The following PRAG1 variants were observed in gnomAD, a reference collection of about 807,000 sequenced individuals.
The protein encoded by PRAG1 is inactive tyrosine-protein kinase PRAG1.
PRAG1 carries 110 observed loss-of-function variants against 95.6 expected under a neutral mutation model. The ratio of observed to expected loss-of-function variants is 1.15; its 90% CI spans 0.99 to 1.35. The LOEUF (loss-of-function observed/expected upper bound fraction) is 1.35, where lower values mean the gene tolerates loss of function less well. Among genes scored for constraint, PRAG1 ranks in the 40% most tolerant of loss-of-function variants. The pLI is 0.00. For missense variants in PRAG1, 2,554 were observed against 1,864.7 expected (o/e 1.37, Z -6.81); for synonymous variants, 1,052 against 819.4 (o/e 1.28, Z -4.85).
At chr8:8,382,259 A>G (rs1055884633) in intron 1 of PRAG1, among the ~76,000 whole-genome samples, 13 of 152,240 alleles carry the variant, frequency 8.5e-5, no homozygotes, top group Non-Finnish European at 1.8e-4. Context: ...ACTGTCAAGC[A>G]GTACAGCAAA....
rs2945906 is a variant in PRAG1, at chr8:8,332,181, G to T, written c.2321-3720C>A. ...TATTACGATTTTTTTTTTTTTTTTT[G>T]ATGAAGTTTTGCTCTTGTTGCCCAG... On this transcript the variant is annotated intron_variant, in intron 4 of 5. Transcript: ENST00000615670. Among the ~76,000 whole-genome samples the T allele has an allele frequency of 5.9e-3, 497 of 83,862 alleles. 3 individuals carry two copies. The highest frequency in any genetic ancestry group is 8.4e-3 in the Non-Finnish European group (377 of 45,040). The allele number at this position is 83,862 out of a possible 152,430, so 55.0% of individuals were successfully genotyped here. A position where few individuals can be genotyped will look rare whatever the true frequency, so the allele number is the denominator to read the frequency against.
At chr8:8,336,340 C>T (rs1457704548) in intron 4 of PRAG1, among the ~76,000 whole-genome samples, 1 of 152,186 alleles carries the variant, frequency 6.6e-6, no homozygotes, top group Non-Finnish European at 1.5e-5. Flanking sequence ...CATTTCTGAT[C>T]ATCATTTCCC....
At chr8:8,378,917 G>C (rs1800536228) in intron 2 of PRAG1, among the ~76,000 whole-genome samples, 1 of 151,672 alleles carries the variant, frequency 6.6e-6, no homozygotes, top group Admixed American at 6.6e-5. Context: ...CATTGGGTGG[G>C]TGGGTGTGGG....
intron 1 of PRAG1, among the ~76,000 whole-genome samples, chr8:8,384,428 G>C (rs1019880425): frequency 1.3e-5 from 2 of 151,972 alleles, no homozygotes; most frequent in Non-Finnish European, 1.5e-5. Context: ...TGGATGTTTA[G>C]AGAGGCAACT....
At chr8:8,336,684 A>G (rs1798992804) in intron 4 of PRAG1, among the ~76,000 whole-genome samples, 1 of 152,128 alleles carries the variant, frequency 6.6e-6, no homozygotes, top group Non-Finnish European at 1.5e-5. Flanking sequence ...TCCTTATACA[A>G]CTAAAACCTC....
intron 3 of PRAG1, among the ~76,000 whole-genome samples, chr8:8,375,913 C>A (rs1057433435): frequency 1.1e-4 from 16 of 152,084 alleles, no homozygotes; most frequent in African/African-American, 3.9e-4. Flanking sequence ...GGAAAAAAGC[C>A]TACTGAAGAC....
intron 3 of PRAG1, chr8:8,374,632 T>C: frequency 1.0e-6 from 1 of 984,352 alleles, no homozygotes; most frequent in African/African-American, 1.7e-5. Context: ...GTGAGTGCCA[T>C]ATAAATGGAA....
Position 8,327,739 on chromosome 8 carries a change from C to CAGCACCT in PRAG1, c.3042_3043insAGGTGCT (p.Glu1015ArgfsTer3). The CAGCACCT allele has an allele frequency of 8.1e-6, 13 of 1,613,932 alleles. No homozygotes were observed. Among genetic ancestry groups the CAGCACCT allele is most frequent in the Non-Finnish European group, 1.1e-5 (13 of 1,179,848 alleles). On this transcript the variant is annotated frameshift_variant, in exon 5 of 6. Coordinates refer to ENST00000615670, the MANE Select transcript of PRAG1 (RefSeq NM_001080826.3). LOFTEE classifies it high-confidence loss of function. ...ACAGCATAGGTGCTGCCGGGGTCCT[C>CAGCACCT]AGAGCAGGTGGCACAGTAATAAATG...
chr8:8,360,158 C>A (rs1341960218), intron 3 of PRAG1, among the ~76,000 whole-genome samples: 1 of 152,218 alleles, frequency 6.6e-6, no homozygotes, highest in South Asian at 2.1e-4. Context: ...GAGCCCCTGA[C>A]CCCTCTATTC....
Position 8,377,968 on chromosome 8 carries a change from G to A in PRAG1, c.441C>T (p.Thr147=). 1 of 1,613,722 alleles carries A rather than the reference G, an allele frequency of 6.2e-7. No individual in the cohort carries two copies. Among genetic ancestry groups the A allele is most frequent in the Non-Finnish European group, 8.5e-7 (1 of 1,179,916 alleles). ...RGVQKPAGPS[T]SPDGNSRCPP... ...GACAGCGAGAATTGCCATCAGGGGA[G>A]GTAGAGGGACCAGCAGGCTTCTGTA... The change falls in exon 3 of 6, where the codon ACC becomes ACT. Residue 147 remains threonine, a synonymous_variant. Transcript: ENST00000615670.
rs774142054 is a variant in PRAG1, at chr8:8,377,669, T to C, written c.740A>G (p.Asp247Gly). 29 of 1,613,636 alleles carry C rather than the reference T, an allele frequency of 1.8e-5. 1 individual carries two copies. The South Asian group carries it at 2.2e-4, about 12-fold the overall frequency. ...GGAGCAGTACTCTCCACCCTCGCTG[T>C]CCCCGGAGGGCGAGCACCTTTGATC... is the stretch of plus-strand genomic sequence containing the variant. ...DSDQRCSPSG[D>G]SEGGEYCSIL... is the part of the protein sequence containing the mutation. Residue 247 changes from aspartate to glycine, a missense_variant, in exon 3 of 6, where the codon GAC becomes GGC. Coordinates refer to ENST00000615670, the MANE Select transcript of PRAG1 (RefSeq NM_001080826.3).
chr8:8,378,458 G>C (rs975546854), intron 2 of PRAG1, among the ~76,000 whole-genome samples: 8 of 152,216 alleles, frequency 5.3e-5, no homozygotes, highest in Admixed American at 3.9e-4. Flanking sequence ...TTGGAAAATG[G>C]AGCTTGGGGT....
At chr8:8,339,114 G>A (rs1311371302) in intron 4 of PRAG1, among the ~76,000 whole-genome samples, 1 of 152,090 alleles carries the variant, frequency 6.6e-6, no homozygotes, top group African/African-American at 2.4e-5. Context: ...GAGAGAGAGA[G>A]AGAGAGAAAG....
At chr8:8,322,883 C>T (rs530649098) in intron 5 of PRAG1, among the ~76,000 whole-genome samples, 67 of 152,178 alleles carry the variant, frequency 4.4e-4, no homozygotes, top group Non-Finnish European at 7.9e-4. Context: ...ATAACTGTGT[C>T]TCCCTAAAAT....
At chr8:8,347,299 C>T (rs908993625) in intron 3 of PRAG1, among the ~76,000 whole-genome samples, 2 of 152,176 alleles carry the variant, frequency 1.3e-5, no homozygotes, top group Non-Finnish European at 2.9e-5. Context: ...AATGCTTCTC[C>T]AGGCTGCTGT....
At chr8:8,385,650 C>A (rs996682323) in intron 1 of PRAG1, among the ~76,000 whole-genome samples, 1 of 152,218 alleles carries the variant, frequency 6.6e-6, no homozygotes, top group Admixed American at 6.5e-5. Flanking sequence ...GCAGGGAGAG[C>A]TTACCTGAGA....
chr8:8,319,212 C>T lies in PRAG1; in HGVS notation c.3163G>A (p.Val1055Ile), dbSNP rs201081809. The change falls in exon 6 of 6, where the codon GTC becomes ATC. Residue 1055 changes from valine (V) to isoleucine (I), a missense_variant. By Grantham distance (29) the Val-to-Ile change is conservative (BLOSUM62 3). Coordinates refer to ENST00000615670, the MANE Select transcript of PRAG1 (RefSeq NM_001080826.3). ...FNIQQDCGHFVASVPSSMLSS... is the reference protein window; with the variant it reads ...FNIQQDCGHFIASVPSSMLSS... ...AGCATGCTGGACGGCACCGAGGCGACGAAGTGGCCGCAGTCCTGCTGGATG... is the reference window on the plus strand; with the variant it reads ...AGCATGCTGGACGGCACCGAGGCGATGAAGTGGCCGCAGTCCTGCTGGATG... 7 of 1,582,998 alleles carry T rather than the reference C, an allele frequency of 4.4e-6. No individual in the cohort carries two copies. The highest frequency in any genetic ancestry group is 6.0e-6 in the Non-Finnish European group (7 of 1,160,976).
chr8:8,376,491 C>G lies in PRAG1; in HGVS notation c.1918G>C (p.Glu640Gln), dbSNP rs376133137. The G allele has an allele frequency of 6.2e-6, 10 of 1,612,894 alleles. No homozygotes were observed. Among genetic ancestry groups the G allele is most frequent in the African/African-American group, 1.3e-5 (1 of 75,018 alleles). Reference protein sequence around the residue: ...AGTWSRQCRIEEEEEVEQELL... With the variant: ...AGTWSRQCRIQEEEEVEQELL... ...TCCTGCTCCACCTCCTCTTCTTCCT[C>G]TATCCGGCACTGACGACTCCAGGTG... The change falls in exon 3 of 6, where the codon GAG becomes CAG. Residue 640 changes from glutamate to glutamine, a missense_variant. By Grantham distance (29) the Glu-to-Gln change is conservative. Coordinates refer to ENST00000615670, the MANE Select transcript of PRAG1 (RefSeq NM_001080826.3).
At chr8:8,365,039 T>C (rs1799957299) in intron 3 of PRAG1, among the ~76,000 whole-genome samples, 1 of 152,098 alleles carries the variant, frequency 6.6e-6, no homozygotes, top group African/African-American at 2.4e-5. Context: ...ACCAAGGAAA[T>C]ATGACAGGTC....
Sources: gnomAD v4.1 joint callset for allele counts (sites outside exome capture counted in the v4.1 genomes callset) on GRCh38, gnomAD v4.1.1 for gene constraint, MANE v1.5 for transcripts, NCBI Gene and HGNC (gene_info 2026-07-23, HGNC 2026-07-21) for gene names.